The following POMK variants were observed in gnomAD, a reference collection of about 807,000 sequenced individuals.
The protein encoded by POMK is protein O-mannose kinase, also known as Sugen kinase 196.
A neutral mutation model predicts 23.0 loss-of-function variants in POMK; 19 were observed. That is an observed-to-expected ratio of 0.83 (90% confidence interval 0.58 to 1.21). The LOEUF is 1.21. Among genes scored for constraint, POMK ranks in the 50% most tolerant of loss-of-function variants. The pLI, the probability that POMK is intolerant of heterozygous loss-of-function variation, is 0.00. For synonymous variants in POMK, 173 were observed against 171.6 expected (o/e 1.01, Z -0.06); for missense variants, 410 against 431.3 (o/e 0.95, Z 0.44).
At chr8:43,115,249 T>C (rs73675454) in intron 4 of POMK, among the ~76,000 whole-genome samples, 3,156 of 152,312 alleles carry the variant, frequency 0.021, 121 homozygotes, top group African/African-American at 0.072. Flanking sequence ...CTTCTAATCC[T>C]GGACCTCTCG....
At chr8:43,105,295 G>A (rs987436252) in intron 4 of POMK, among the ~76,000 whole-genome samples, 5 of 152,182 alleles carry the variant, frequency 3.3e-5, no homozygotes, top group African/African-American at 1.2e-4. Flanking sequence ...TTATCTAGCT[G>A]TAATTTTGTA....
intron 4 of POMK, among the ~76,000 whole-genome samples, chr8:43,111,793 T>G (rs1811674245): frequency 6.6e-6 from 1 of 152,206 alleles, no homozygotes; most frequent in African/African-American, 2.4e-5. Flanking sequence ...CCCCCGCTGC[T>G]GATACCCAGG....
intron 1 of POMK, among the ~76,000 whole-genome samples, chr8:43,095,196 T>A (rs984536683): frequency 6.6e-6 from 1 of 152,172 alleles, no homozygotes; most frequent in Non-Finnish European, 1.5e-5. Flanking sequence ...AAAACTTGGC[T>A]CTTCTGTGTA....
rs72647281 is a variant in POMK, at chr8:43,100,246, T to C, written c.-117-2259T>C. 8.3e-3 allele frequency among the ~76,000 whole-genome samples: 1,262 copies of C among 151,914 alleles called. 10 individuals carry two copies. The highest frequency in any genetic ancestry group is 0.017 in the Middle Eastern group (5 of 294). ...CCTGGGCTGAGCAGGGCTCAGAGCA[T>C]GTGGTGATGAGCCTTATGGCAGGTG... On this transcript the variant is annotated intron_variant, in intron 2 of 4. Transcript: ENST00000331373.
chr8:43,099,399 C>T (rs930193535), intron 2 of POMK, among the ~76,000 whole-genome samples: 9 of 152,152 alleles, frequency 5.9e-5, no homozygotes, highest in African/African-American at 1.4e-4. Context: ...CAGCAGGCAG[C>T]GATGAAAAGT....
intron 4 of POMK, 117 bp downstream of exon 4, chr8:43,103,947 G>T: frequency 1.9e-6 from 2 of 1,047,898 alleles, no homozygotes; most frequent in Non-Finnish European, 2.8e-6. Flanking sequence ...TACTGCCAAA[G>T]TGTACTCCAT....
chr8:43,094,523 T>C (rs1384769706), intron 1 of POMK, among the ~76,000 whole-genome samples: 1 of 152,202 alleles, frequency 6.6e-6, no homozygotes, highest in Non-Finnish European at 1.5e-5. Flanking sequence ...AAGCAAAATT[T>C]CGCTGTTTTG....
intron 4 of POMK, among the ~76,000 whole-genome samples, chr8:43,119,246 G>T (rs1284034497): frequency 1.3e-5 from 2 of 152,122 alleles, no homozygotes; most frequent in East Asian, 3.8e-4. Flanking sequence ...AGGAAGCCAT[G>T]GATCTGAACA....
In POMK at chr8:43,122,424, G is replaced by A. The variant is rs1328701419; in HGVS notation, c.600G>A (p.Arg200=). ...NYLHHSPVGT[R]VMCDSNDLPK... The stretch of plus-strand genomic sequence containing the variant: ...TGCACCACAGCCCTGTGGGCACACG[G>A]GTCATGTGCGACTCCAACGACCTGC... Residue 200 remains arginine, a synonymous_variant, in exon 5 of 5, where the codon CGG becomes CGA. Coordinates refer to ENST00000331373, the MANE Select transcript of POMK (RefSeq NM_032237.5). 3.1e-6 allele frequency: 5 copies of A among 1,613,956 alleles called. No homozygotes were observed. The highest frequency in any genetic ancestry group is 4.2e-6 in the Non-Finnish European group (5 of 1,179,960).
intron 2 of POMK, among the ~76,000 whole-genome samples, chr8:43,098,782 A>G (rs1172638830): frequency 6.6e-6 from 1 of 152,040 alleles, no homozygotes; most frequent in Non-Finnish European, 1.5e-5. Context: ...TGATTTTTGT[A>G]TTATAGCCAT....
rs1196517505 is a variant in POMK, at chr8:43,094,910, T to C, written c.-210+1347T>C. On this transcript the variant is annotated intron_variant, in intron 1 of 4. Coordinates refer to ENST00000331373, the MANE Select transcript of POMK (RefSeq NM_032237.5). ...CATCTTTATTCCTTAATGTGCAGGC[T>C]GTTTTCAGGACCAGTAAATTTCAGT... 4.6e-5 allele frequency among the ~76,000 whole-genome samples: 7 copies of C among 152,216 alleles called. No homozygotes were observed. In the South Asian group the frequency reaches 1.2e-3, roughly 27 times the overall value.
At chr8:43,099,212 A>C (rs545479551) in intron 2 of POMK, among the ~76,000 whole-genome samples, 2 of 152,344 alleles carry the variant, frequency 1.3e-5, no homozygotes, top group East Asian at 3.9e-4. Context: ...TGGCCTCCCA[A>C]AGTGCCGGGA....
intron 4 of POMK, among the ~76,000 whole-genome samples, chr8:43,110,644 G>A (rs146672871): frequency 2.0e-5 from 3 of 152,264 alleles, no homozygotes; most frequent in East Asian, 1.9e-4. Context: ...TTGGCTGGGC[G>A]TGGTGGCTCA....
chr8:43,109,227 A>C (rs1367691639), intron 4 of POMK, among the ~76,000 whole-genome samples: 1 of 152,182 alleles, frequency 6.6e-6, no homozygotes, highest in Non-Finnish European at 1.5e-5. Flanking sequence ...CATTTAGCCA[A>C]AGTAACTCAA....
chr8:43,097,334 C>T (rs1309237282), intron 1 of POMK, among the ~76,000 whole-genome samples, 190 bp from the exon 2 acceptor site: 1 of 152,052 alleles, frequency 6.6e-6, no homozygotes, highest in Non-Finnish European at 1.5e-5. Flanking sequence ...TGATGTCCAC[C>T]AACTTGAAGA....
chr8:43,110,071 T>A (rs1411868817), intron 4 of POMK, among the ~76,000 whole-genome samples: 1 of 152,262 alleles, frequency 6.6e-6, no homozygotes, highest in African/African-American at 2.4e-5. Flanking sequence ...AGACTTTTCC[T>A]ATCTCATTTA....
At chr8:43,100,873 T>C (rs1271064842) in intron 2 of POMK, among the ~76,000 whole-genome samples, 4 of 152,010 alleles carry the variant, frequency 2.6e-5, no homozygotes, top group Non-Finnish European at 2.9e-5. Context: ...CGTGTGTCCC[T>C]GAGCACGAGG....
At chr8:43,096,402 C>G (rs1811335803) in intron 1 of POMK, among the ~76,000 whole-genome samples, 2 of 151,236 alleles carry the variant, frequency 1.3e-5, no homozygotes, top group Admixed American at 6.6e-5. Context: ...GTGGCTCATG[C>G]CTGTAATCCC....
intron 1 of POMK, among the ~76,000 whole-genome samples, chr8:43,094,406 A>G (rs1475080201): frequency 6.6e-6 from 1 of 152,164 alleles, no homozygotes; most frequent in Non-Finnish European, 1.5e-5. Context: ...AAAAAACCAG[A>G]AAGGACCGAG....
Sources: gnomAD v4.1 joint callset for allele counts (sites outside exome capture counted in the v4.1 genomes callset) on GRCh38, gnomAD v4.1.1 for gene constraint, MANE v1.5 for transcripts, NCBI Gene and HGNC (gene_info 2026-07-23, HGNC 2026-07-21) for gene names.